Variants in ZFAND2A observed in about 807,000 individuals in gnomAD.
ZFAND2A encodes the protein AN1-type zinc finger protein 2A.
Under a neutral mutation model 11.6 loss-of-function variants are expected in ZFAND2A, and 20 were observed. That is an observed-to-expected ratio of 1.72 (90% CI 1.21 to 2.50). The LOEUF is 2.50. Ranked by LOEUF, ZFAND2A falls within the 30% of genes most tolerant of loss-of-function variation. ZFAND2A has a pLI of 0.00. For missense variants in ZFAND2A, 234 were observed against 182.9 expected, an observed-to-expected ratio of 1.28 and a Z score of -1.61; for synonymous variants, 93 against 60.6, an observed-to-expected ratio of 1.54 and a Z score of -2.48.
chr7:1,149,357 T>C (rs554424050), downstream of ZFAND2A, among the ~76,000 whole-genome samples: 1 of 152,262 alleles, frequency 6.6e-6, no homozygotes, highest in Admixed American at 6.5e-5. Flanking sequence ...AAGTGGCTTG[T>C]CCAAGTGCAG....
chr7:1,158,890 G>A (rs1458843530), intron 1 of ZFAND2A, among the ~76,000 whole-genome samples: 3 of 151,962 alleles, frequency 2.0e-5, no homozygotes, highest in Admixed American at 6.6e-5. Flanking sequence ...CCCTCCCGGG[G>A]CCTTTTCCTG....
intron 1 of ZFAND2A, among the ~76,000 whole-genome samples, chr7:1,159,088 C>T (rs1218598976): frequency 6.6e-6 from 1 of 152,184 alleles, no homozygotes; most frequent in Non-Finnish European, 1.5e-5. Context: ...CCACCCTCCC[C>T]AGTTCCCTCT....
At chr7:1,158,115 C>A in intron 2 of ZFAND2A, 43 bp downstream of exon 2, 1 of 1,593,022 alleles carries the variant, frequency 6.3e-7, no homozygotes, top group Non-Finnish European at 8.6e-7. Flanking sequence ...AGCTTTCCCC[C>A]AACAAAATAC....
At chr7:1,155,702 T>G in intron 3 of ZFAND2A, 118 bp from the exon 4 acceptor site, 2 of 1,310,220 alleles carry the variant, frequency 1.5e-6, no homozygotes, top group Non-Finnish European at 2.0e-6. Context: ...AAAACCGGTC[T>G]CCCGAGCCCT....
chr7:1,157,551 A>T, intron 3 of ZFAND2A, 105 bp downstream of exon 3: 1 of 1,175,214 alleles, frequency 8.5e-7, no homozygotes, highest in Non-Finnish European at 1.2e-6. Flanking sequence ...TTTAAAATTT[A>T]ATTTTCAATG....
At chr7:1,155,616 G>T in intron 3 of ZFAND2A, 32 bp from the exon 4 acceptor site, 2 of 1,607,232 alleles carry the variant, frequency 1.2e-6, no homozygotes, top group South Asian at 2.2e-5. Flanking sequence ...TGGCATCTGA[G>T]ACTCATGCAA....
At chr7:1,152,797 C>A (rs562062898), downstream of ZFAND2A, 2 of 561,054 alleles carry the variant, frequency 3.6e-6, no homozygotes, top group South Asian at 1.9e-5. Flanking sequence ...CGACATCCTG[C>A]GCCTGGACCT....
chr7:1,151,088 A>G, downstream of ZFAND2A, among the ~76,000 whole-genome samples: 1 of 151,974 alleles, frequency 6.6e-6, no homozygotes, highest in East Asian at 1.9e-4. Context: ...GGGTTTCACC[A>G]TGTTGACCAG....
chr7:1,158,065 A>C (rs1055094716), intron 2 of ZFAND2A, 93 bp downstream of exon 2: 4 of 1,266,194 alleles, frequency 3.2e-6, no homozygotes, highest in Non-Finnish European at 4.6e-6. Context: ...AGGAGCCAGG[A>C]AGGCCAAGAC....
Position 1,158,201 on chromosome 7 carries a change from A to G in ZFAND2A, c.12T>C (p.Pro4=). 6.2e-7 allele frequency: 1 copy of G among 1,614,152 alleles called. No homozygotes were observed. Among genetic ancestry groups the G allele is most frequent in the Non-Finnish European group, 8.5e-7 (1 of 1,180,004 alleles). ...TTTCTGAACAATGCTTCCCCAAATCAGGAAACTCCATTATGAGAACAGTGC... is the reference window on the plus strand; with the variant it reads ...TTTCTGAACAATGCTTCCCCAAATCGGGAAACTCCATTATGAGAACAGTGC... MEF[P]DLGKHCSEKT... is the part of the protein sequence containing the mutation. Residue 4 remains proline, a synonymous_variant, in exon 2 of 5, where the codon CCT becomes CCC. Transcript: ENST00000316495.
At chr7:1,158,321 A>G (rs1793581529) in intron 1 of ZFAND2A, 64 bp from the exon 2 acceptor site, 3 of 975,384 alleles carry the variant, frequency 3.1e-6, no homozygotes, top group East Asian at 2.4e-5. Context: ...AGGATTTACA[A>G]TGTAATTACA....
At chr7:1,152,821 C>G, downstream of ZFAND2A, 1 of 631,692 alleles carries the variant, frequency 1.6e-6, no homozygotes. Context: ...GCCCCCAGAA[C>G]TGTGAAAGAA....
At chr7:1,157,269 A>C (rs1283662762) in intron 3 of ZFAND2A, 2 of 157,368 alleles carry the variant, frequency 1.3e-5, no homozygotes, top group African/African-American at 4.8e-5. Context: ...ATTGGCTTCC[A>C]AGTCAAATAT....
Position 1,155,575 on chromosome 7 carries a change from C to A in ZFAND2A, c.160G>T (p.Val54Phe). Residue 54 changes from valine to phenylalanine, a missense_variant, in exon 4 of 5, where the codon GTC becomes TTC. Transcript: ENST00000316495. Reference sequence around the variant, plus strand: ...GTATTACAGAGTGGGCATACTGGGACGTGAACATCCTAAAAATAACAAAGG... The same window carrying A: ...GTATTACAGAGTGGGCATACTGGGAAGTGAACATCCTAAAAATAACAAAGG... ...CPFAFQKDVH[V>F]PVCPLCNTPI... 1.2e-6 allele frequency: 2 copies of A among 1,611,178 alleles called. No homozygotes were observed. Among genetic ancestry groups the A allele is most frequent in the South Asian group, 1.1e-5 (1 of 90,390 alleles).
chr7:1,149,512 C>T (rs931596115), downstream of ZFAND2A, among the ~76,000 whole-genome samples: 2 of 152,214 alleles, frequency 1.3e-5, no homozygotes, highest in Non-Finnish European at 2.9e-5. Flanking sequence ...TGGGAACCGC[C>T]GGCCTAGGAC....
chr7:1,157,557 C>T, intron 3 of ZFAND2A, 99 bp downstream of exon 3: 1 of 1,208,944 alleles, frequency 8.3e-7, no homozygotes, highest in Non-Finnish European at 1.2e-6. Context: ...ATTTAATTTT[C>T]AATGAGTTAG....
In ZFAND2A at chr7:1,158,272, G is replaced by T; in HGVS notation, c.-45-15C>A. The T allele has an allele frequency of 6.6e-7, 1 of 1,511,926 alleles. No individual in the cohort carries two copies. Among genetic ancestry groups the T allele is most frequent in the South Asian group, 1.1e-5 (1 of 87,714 alleles). 93.7% of individuals were successfully genotyped at this position (1,511,926 alleles called of 1,614,324 possible). A position where few individuals can be genotyped will look rare whatever the true frequency, so the allele number is the denominator to read the frequency against. Reference sequence around the variant, plus strand: ...TTAAGTGTCACCTACAAGAGAATCAGAATAGTTAGGAGGAAAGCTGGACTG... The same window carrying T: ...TTAAGTGTCACCTACAAGAGAATCATAATAGTTAGGAGGAAAGCTGGACTG... On this transcript the variant is annotated splice_polypyrimidine_tract_variant and intron_variant, in intron 1 of 4. Transcript: ENST00000316495.
intron 1 of ZFAND2A, among the ~76,000 whole-genome samples, chr7:1,158,888 G>A (rs1293515451): frequency 6.6e-6 from 1 of 151,938 alleles, no homozygotes; most frequent in African/African-American, 2.4e-5. Flanking sequence ...AGCCCTCCCG[G>A]GGCCTTTTCC....
chr7:1,153,548 C>G (rs571963387), intron 4 of ZFAND2A, among the ~76,000 whole-genome samples: 1 of 150,692 alleles, frequency 6.6e-6, no homozygotes, highest in Non-Finnish European at 1.5e-5. Flanking sequence ...GCCTTAAATT[C>G]TTTAACAGCC....
Sources: allele counts gnomAD v4.1 joint callset (sites outside exome capture counted in the v4.1 genomes callset), GRCh38; gene constraint gnomAD v4.1.1; transcripts MANE v1.5; gene names NCBI Gene and HGNC (gene_info 2026-07-23, HGNC 2026-07-21).